Variants in LRTM3 observed in about 807,000 individuals in gnomAD.
LRTM3 encodes the protein leucine-rich repeat transmembrane protein 3.
At chr13:102,730,989 T>C in the LRTM3 span, 242 of 1,550,964 alleles carry the variant, frequency 1.6e-4, no homozygotes, top group Admixed American at 1.6e-3. Context: ...TAAGATTCTC[T>C]TACAATTCTG....
At chr13:102,739,157 A>G in the LRTM3 span, 28 of 1,549,958 alleles carry the variant, frequency 1.8e-5, 1 homozygote, top group South Asian at 3.2e-4. Context: ...AACTACATTT[A>G]GATTACTTTC....
the LRTM3 span, chr13:102,739,243 T>C: frequency 1.0e-5 from 16 of 1,550,298 alleles, no homozygotes; most frequent in Middle Eastern, 3.3e-4. Context: ...GTCTAAAAAG[T>C]GATTTCTTTC....
the LRTM3 span, chr13:102,733,992 T>C: frequency 9.7e-6 from 15 of 1,551,442 alleles, no homozygotes; most frequent in Non-Finnish European, 1.2e-5. Flanking sequence ...TTGTCTGTTT[T>C]GTTCCCTGAA....
At chr13:102,743,877 A>G in the LRTM3 span, 5 of 1,550,712 alleles carry the variant, frequency 3.2e-6, no homozygotes, top group Non-Finnish European at 4.4e-6. Flanking sequence ...TTAGAGTCAG[A>G]TAAAACAGGC....
the LRTM3 span, chr13:102,744,013 T>C: frequency 6.5e-7 from 1 of 1,550,384 alleles, no homozygotes; most frequent in Non-Finnish European, 8.7e-7. Context: ...ACCTCGCTGC[T>C]GTATTGTATA....
chr13:102,739,118 G>C, the LRTM3 span: 48 of 1,550,242 alleles, frequency 3.1e-5, no homozygotes, highest in African/African-American at 5.2e-4. Context: ...GTGAGGTGGA[G>C]AAAGAATAGA....
the LRTM3 span, chr13:102,747,592 C>T: frequency 8.3e-5 from 128 of 1,550,904 alleles, no homozygotes; most frequent in African/African-American, 1.5e-3. Flanking sequence ...TATGACTATC[C>T]GTTGTCTTTT....
chr13:102,747,408 C>T, the LRTM3 span: 2 of 1,549,064 alleles, frequency 1.3e-6, no homozygotes. Flanking sequence ...AGTGAGATTG[C>T]TGGCTTCTTT....
the LRTM3 span, chr13:102,746,801 CTTG>C: frequency 6.4e-7 from 1 of 1,551,242 alleles, no homozygotes. Flanking sequence ...ATAACTTTCT[CTTG>C]TTTGGTTTAA....
chr13:102,744,522 T>A, the LRTM3 span: 12 of 1,550,572 alleles, frequency 7.7e-6, no homozygotes, highest in Non-Finnish European at 1.0e-5. Flanking sequence ...TGTTTCATCA[T>A]GTATCCAGAA....
At chr13:102,742,075 C>T in the LRTM3 span, 2 of 1,550,458 alleles carry the variant, frequency 1.3e-6, no homozygotes, top group Non-Finnish European at 1.7e-6. Context: ...TGTCTTTTGG[C>T]TTGTCTTTCT....
At chr13:102,738,500 A>G in the LRTM3 span, 1 of 1,550,816 alleles carries the variant, frequency 6.4e-7, no homozygotes, top group Non-Finnish European at 8.7e-7. Context: ...TTGCTCTTTA[A>G]TGTCCAACTG....
At chr13:102,736,399 C>T in the LRTM3 span, 6 of 1,551,112 alleles carry the variant, frequency 3.9e-6, no homozygotes, top group Admixed American at 5.9e-5. Context: ...TCAGGCCATG[C>T]ATGGATACTG....
chr13:102,745,697 C>A, the LRTM3 span: 1 of 1,550,992 alleles, frequency 6.4e-7, no homozygotes, highest in Non-Finnish European at 8.7e-7. Flanking sequence ...TTCAGTACCA[C>A]CAGCCTGTTC....
the LRTM3 span, chr13:102,743,863 G>C: frequency 6.4e-7 from 1 of 1,550,496 alleles, no homozygotes; most frequent in Non-Finnish European, 8.7e-7. Context: ...TGTTCCTCTG[G>C]TTTTTAGAGT....
the LRTM3 span, chr13:102,731,677 T>G: frequency 3.9e-6 from 6 of 1,551,372 alleles, no homozygotes; most frequent in South Asian, 4.8e-5. Context: ...AAATGGGAAG[T>G]AAATGTTCTG....
At chr13:102,744,461 G>A in the LRTM3 span, 3 of 1,550,410 alleles carry the variant, frequency 1.9e-6, no homozygotes, top group South Asian at 3.6e-5. Context: ...TTTGGGAAAT[G>A]AAGTCTTTAG....
chr13:102,731,763 C>G, the LRTM3 span: 1 of 1,551,176 alleles, frequency 6.4e-7, no homozygotes, highest in Non-Finnish European at 8.7e-7. Context: ...CCTGGGAAAG[C>G]TTTTTGCTGC....
At chr13:102,745,314 G>A in the LRTM3 span, 3 of 1,550,456 alleles carry the variant, frequency 1.9e-6, no homozygotes, top group Non-Finnish European at 2.6e-6. Context: ...TCTTCATGTG[G>A]AGATGTATCT....
Sources: allele counts gnomAD v4.1 joint callset, GRCh38; gene constraint gnomAD v4.1.1; transcripts MANE v1.5; gene names NCBI Gene and HGNC (gene_info 2026-07-23, HGNC 2026-07-21).